The following CDH18 variants were observed in gnomAD, a reference collection of about 807,000 sequenced individuals.
CDH18 encodes the protein cadherin 18, also known as cadherin-18.
A neutral mutation model predicts 67.9 loss-of-function variants in CDH18; 31 were observed. The observed-to-expected ratio is 0.46, with a 90% confidence interval of 0.34 to 0.62. The LOEUF is 0.62. Among genes scored for constraint, CDH18 ranks in the 20% least tolerant of loss-of-function variants. CDH18 has a pLI of 0.01. For missense variants in CDH18, 890 were observed against 975.5 expected, an observed-to-expected ratio of 0.91 and a Z score of 1.17; for synonymous variants, 362 against 347.2, an observed-to-expected ratio of 1.04 and a Z score of -0.48.
chr5:19,833,007 G>A (rs573198151), intron 3 of CDH18, among the ~76,000 whole-genome samples: 126 of 151,950 alleles, frequency 8.3e-4, no homozygotes, highest in African/African-American at 2.9e-3. Context: ...GGCTATATGG[G>A]GTCTTCTTTG....
intron 1 of CDH18, among the ~76,000 whole-genome samples, chr5:20,323,824 T>C (rs1310607129): frequency 6.6e-6 from 1 of 152,220 alleles, no homozygotes; most frequent in Non-Finnish European, 1.5e-5. Flanking sequence ...ATAGGAAATA[T>C]ATAACACAGA....
chr5:20,485,978 C>A (rs767646598), intron 1 of CDH18, among the ~76,000 whole-genome samples: 1 of 152,102 alleles, frequency 6.6e-6, no homozygotes, highest in African/African-American at 2.4e-5. Context: ...ATGTGGGCTT[C>A]CTTTTGCAAC....
chr5:20,196,219 A>C (rs1738964102), intron 2 of CDH18, among the ~76,000 whole-genome samples: 2 of 152,212 alleles, frequency 1.3e-5, no homozygotes, highest in Non-Finnish European at 2.9e-5. Context: ...GATAGATCCC[A>C]GAATATATTG....
At chr5:20,111,323 G>A (rs765223359) in intron 2 of CDH18, among the ~76,000 whole-genome samples, 5 of 152,022 alleles carry the variant, frequency 3.3e-5, no homozygotes, top group Admixed American at 1.3e-4. Context: ...TCAGTAGGGA[G>A]ACACATCCAA....
At chr5:20,461,113 G>T (rs1292811386) in intron 1 of CDH18, among the ~76,000 whole-genome samples, 1 of 152,126 alleles carries the variant, frequency 6.6e-6, no homozygotes, top group Non-Finnish European at 1.5e-5. Flanking sequence ...GAGTTTTGCT[G>T]TCAGGCTTGG....
intron 1 of CDH18, among the ~76,000 whole-genome samples, chr5:20,320,598 A>G (rs777151531): frequency 3.0e-4 from 45 of 152,186 alleles, no homozygotes; most frequent in Non-Finnish European, 3.8e-4. Flanking sequence ...AGCTTTACAC[A>G]TCATTATCTC....
intron 7 of CDH18, among the ~76,000 whole-genome samples, chr5:19,586,671 A>C (rs972377626): frequency 6.6e-6 from 1 of 152,102 alleles, no homozygotes; most frequent in Non-Finnish European, 1.5e-5. Flanking sequence ...ATAAACATAG[A>C]CATGCATGTG....
At chr5:20,463,886 CTTAT>C (rs1751451777) in intron 1 of CDH18, among the ~76,000 whole-genome samples, 1 of 151,996 alleles carries the variant, frequency 6.6e-6, no homozygotes, top group Non-Finnish European at 1.5e-5. Context: ...AAGAATATGT[CTTAT>C]TACATAAGAA....
At chr5:20,396,986 C>A (rs1484691753) in intron 1 of CDH18, among the ~76,000 whole-genome samples, 1 of 152,072 alleles carries the variant, frequency 6.6e-6, no homozygotes, top group Non-Finnish European at 1.5e-5. Flanking sequence ...GGGCACCAGT[C>A]AATAACAAAT....
chr5:20,215,525 A>C (rs936341615), intron 2 of CDH18, among the ~76,000 whole-genome samples: 1 of 151,960 alleles, frequency 6.6e-6, no homozygotes, highest in African/African-American at 2.4e-5. Context: ...ACACAGTGTT[A>C]GTGGGAGTGT....
intron 12 of CDH18, among the ~76,000 whole-genome samples, chr5:19,477,710 AC>A (rs1738721998): frequency 6.6e-6 from 1 of 152,066 alleles, no homozygotes; most frequent in African/African-American, 2.4e-5. Context: ...TATTCAAATG[AC>A]CCTGATAACC....
rs1197287914 is a variant in CDH18, at chr5:19,748,126, AAAAAAAAG to A, written c.229-898_229-891del. 3.7e-4 allele frequency among the ~76,000 whole-genome samples: 54 copies of A among 144,436 alleles called. 6 individuals are homozygous for A. The highest frequency in any genetic ancestry group is 6.4e-4 in the Non-Finnish European group (42 of 65,738). 94.8% of individuals were successfully genotyped at this position (144,436 alleles called of 152,430 possible). Reference sequence around the variant, plus strand: ...AGACTCCATCTCAAAAAAAAAAAAAAAAAAAAAGAGTACTTTTTTAGGGATAGAGTATT... The same window carrying A: ...AGACTCCATCTCAAAAAAAAAAAAAAAGTACTTTTTTAGGGATAGAGTATT... On this transcript the variant is annotated intron_variant, in intron 3 of 12. Coordinates refer to ENST00000382275, the MANE Select transcript of CDH18 (RefSeq NM_004934.5).
intron 6 of CDH18, among the ~76,000 whole-genome samples, chr5:19,608,106 A>G (rs945374433): frequency 1.3e-5 from 2 of 151,778 alleles, no homozygotes; most frequent in African/African-American, 4.8e-5. Context: ...CAAAAATTCT[A>G]TAAGGATATA....
intron 11 of CDH18, among the ~76,000 whole-genome samples, chr5:19,486,962 C>T (rs1296936088): frequency 1.3e-5 from 2 of 152,146 alleles, no homozygotes; most frequent in African/African-American, 4.8e-5. Flanking sequence ...TGCACCATAG[C>T]TGGGTTCTTA....
At chr5:20,331,801 A>C (rs1483466515) in intron 1 of CDH18, among the ~76,000 whole-genome samples, 2 of 152,176 alleles carry the variant, frequency 1.3e-5, no homozygotes, top group East Asian at 1.9e-4. Flanking sequence ...TCAGTAGCCA[A>C]GTTCAGGCTA....
intron 1 of CDH18, among the ~76,000 whole-genome samples, chr5:20,547,045 T>G (rs1297705937): frequency 6.6e-6 from 1 of 151,906 alleles, no homozygotes; most frequent in Non-Finnish European, 1.5e-5. Flanking sequence ...ATGGCGCTAG[T>G]GAAAAATCAG....
At chr5:19,986,255 C>T (rs1799545234) in intron 1 of CDH18, among the ~76,000 whole-genome samples, 1 of 152,120 alleles carries the variant, frequency 6.6e-6, no homozygotes, top group Admixed American at 6.5e-5. Context: ...ATTCTAGCAC[C>T]GGGTGCTATT....
chr5:19,693,895 GAAA>G (rs11357542), intron 5 of CDH18, among the ~76,000 whole-genome samples: 10 of 118,918 alleles, frequency 8.4e-5, no homozygotes, highest in Non-Finnish European at 1.1e-4. Context: ...GACTCTGTCT[GAAA>G]AAAAAAAAAA....
intron 2 of CDH18, among the ~76,000 whole-genome samples, chr5:20,235,414 T>G (rs1291465699): frequency 6.6e-6 from 1 of 152,004 alleles, no homozygotes; most frequent in East Asian, 1.9e-4. Flanking sequence ...ATAATGAATT[T>G]AAGCAAATCA....
Sources: allele counts gnomAD v4.1 joint callset (sites outside exome capture counted in the v4.1 genomes callset), GRCh38; gene constraint gnomAD v4.1.1; transcripts MANE v1.5; gene names NCBI Gene and HGNC (gene_info 2026-07-23, HGNC 2026-07-21).